CFAP251: variants seen among roughly 807,000 people sequenced by gnomAD.
The protein encoded by CFAP251 is cilia- and flagella-associated protein 251.
In CFAP251, 93 loss-of-function variants were observed where a neutral mutation model predicts 126.7. The ratio of observed to expected loss-of-function variants is 0.73; its 90% CI spans 0.62 to 0.87. The LOEUF is 0.87. CFAP251 is among the 40% of genes least tolerant of loss of function. CFAP251 has a pLI of 0.00. For missense variants in CFAP251, 1,287 were observed against 1,389.2 expected (o/e 0.93, Z 1.17); for synonymous variants, 503 against 506.9 (o/e 0.99, Z 0.10).
At chr12:121,954,428 AT>A in intron 10 of CFAP251, 94 bp downstream of exon 10, 1 of 1,158,952 alleles carries the variant, frequency 8.6e-7, no homozygotes. Context: ...TACACCTCTA[AT>A]TTCAGTTCTT....
rs1332687028 is a variant in CFAP251, at chr12:121,954,140, A to G, written c.1341A>G (p.Gly447=). 1 of 1,614,048 alleles carries G rather than the reference A, an allele frequency of 6.2e-7. No homozygotes were observed. The highest frequency in any genetic ancestry group is 8.5e-7 in the Non-Finnish European group (1 of 1,180,010). Reference sequence around the variant, plus strand: ...AACAGACCTTCAACAAGCTTGTGGGAAAGTTTAGCCAGTCCATCTTTCACT... The same window carrying G: ...AACAGACCTTCAACAAGCTTGTGGGGAAGTTTAGCCAGTCCATCTTTCACT... The part of the protein sequence containing the change: ...LTEKTFNKLV[G]KFSQSIFHLN... The change falls in exon 10 of 22, where the codon GGA becomes GGG. Residue 447 remains glycine, a synonymous_variant. Coordinates refer to ENST00000288912, the MANE Select transcript of CFAP251 (RefSeq NM_144668.6).
intron 19 of CFAP251, among the ~76,000 whole-genome samples, chr12:121,983,754 C>A (rs75193160): frequency 7.4e-5 from 11 of 148,408 alleles, no homozygotes; most frequent in African/African-American, 2.6e-4. Flanking sequence ...AAAAAAAAAA[C>A]GTTTCCTCTT....
chr12:121,997,017 G>A (rs753903323), intron 19 of CFAP251: 4 of 152,124 alleles, frequency 2.6e-5, no homozygotes, highest in Non-Finnish European at 5.9e-5. Context: ...TGTAACCTGC[G>A]GGTGACAACT....
chr12:121,968,572 C>G (rs1252430307), intron 17 of CFAP251, among the ~76,000 whole-genome samples: 4 of 152,148 alleles, frequency 2.6e-5, no homozygotes, highest in Non-Finnish European at 2.9e-5. Flanking sequence ...AGAACCTCTG[C>G]CTGAGGCGAG....
intron 19 of CFAP251, among the ~76,000 whole-genome samples, chr12:121,980,238 C>T (rs1389854305): frequency 1.3e-5 from 2 of 152,162 alleles, no homozygotes; most frequent in African/African-American, 2.4e-5. Context: ...GGACTATGAC[C>T]AGATGACAGC....
At chr12:121,967,171 C>T (rs1356736680) in intron 16 of CFAP251, 102 bp downstream of exon 16, 4 of 1,067,884 alleles carry the variant, frequency 3.7e-6, no homozygotes, top group Non-Finnish European at 4.2e-6. Flanking sequence ...GGGTTTACAG[C>T]CAAGCCCAAC....
At chr12:121,931,633 T>G (rs1276755551) in intron 3 of CFAP251, 113 bp from the exon 4 acceptor site, 5 of 1,086,042 alleles carry the variant, frequency 4.6e-6, no homozygotes, top group Non-Finnish European at 6.1e-6. Context: ...TTAAAGTGGT[T>G]CCTCTTCACT....
chr12:121,958,879 A>T, intron 12 of CFAP251, 64 bp from the exon 13 acceptor site: 3 of 1,520,664 alleles, frequency 2.0e-6, no homozygotes, highest in Non-Finnish European at 2.6e-6. Flanking sequence ...AAAGCCTGGC[A>T]CAGACTCAAC....
rs915060652 is a variant in CFAP251, at chr12:121,974,925, C to T, written c.2772-319C>T. 3.9e-5 allele frequency among the ~76,000 whole-genome samples: 6 copies of T among 152,086 alleles called. No homozygotes were observed. Among genetic ancestry groups the T allele is most frequent in the Non-Finnish European group, 4.4e-5 (3 of 68,004 alleles). ...CTGGGAGGATTGTGGTTTCAGAACA[C>T]AGGATGCCTCCCCCACCCCCAGGAG... On this transcript the variant is annotated intron_variant, in intron 17 of 21. Coordinates refer to ENST00000288912, the MANE Select transcript of CFAP251 (RefSeq NM_144668.6). This position sits in a 1 kb window ranked among gnomAD's most constrained non-coding sequence, Gnocchi z 4.6.
At position 121,976,208 on chromosome 12, in the gene CFAP251, G is replaced by A. The variant is rs549551184; in HGVS notation, c.3006+523G>A. On this transcript the variant is annotated intron_variant, in intron 19 of 21. Transcript: ENST00000288912. ...ATTTTTAGTAGAGACGAGGCTTCACGATGTTGGTCAGACTGGTCTCAAACT... is the reference window on the plus strand; with the variant it reads ...ATTTTTAGTAGAGACGAGGCTTCACAATGTTGGTCAGACTGGTCTCAAACT... Among the ~76,000 whole-genome samples, 134 of 151,934 alleles carry A rather than the reference G, an allele frequency of 8.8e-4. 2 individuals carry two copies. The highest frequency in any genetic ancestry group is 3.4e-3 in the Middle Eastern group (1 of 294).
At position 121,973,194 on chromosome 12, in the gene CFAP251, C is replaced by G. The variant is rs150182977; in HGVS notation, c.2772-2050C>G. 1.3e-3 allele frequency among the ~76,000 whole-genome samples: 194 copies of G among 152,328 alleles called. 4 individuals carry two copies. The East Asian group carries it at 0.035, about 28-fold the overall frequency. On this transcript the variant is annotated intron_variant, in intron 17 of 21. Coordinates refer to ENST00000288912, the MANE Select transcript of CFAP251 (RefSeq NM_144668.6). ...GGCTGAAAGGGGCCAACATAGAGCT[C>G]AGGCTGTGGCTTCAGAGGGTGGAAG...
intron 3 of CFAP251, among the ~76,000 whole-genome samples, chr12:121,930,608 A>G (rs1034400176): frequency 6.6e-6 from 1 of 152,216 alleles, no homozygotes; most frequent in Non-Finnish European, 1.5e-5. Context: ...TTCATTTCAT[A>G]AAATTTTAAT....
At chr12:121,982,270 G>C (rs1002049814) in intron 19 of CFAP251, among the ~76,000 whole-genome samples, 25 of 151,120 alleles carry the variant, frequency 1.7e-4, no homozygotes, top group African/African-American at 6.1e-4. Context: ...GCAGTGGTGT[G>C]ATCACAGCTC....
intron 3 of CFAP251, among the ~76,000 whole-genome samples, chr12:121,928,670 GTATATA>G (rs373937834): frequency 2.0e-5 from 1 of 50,856 alleles, no homozygotes; most frequent in Non-Finnish European, 8.4e-5. Flanking sequence ...ATATATATAC[GTATATA>G]TATATATATA....
At position 121,928,685 on chromosome 12, in the gene CFAP251, TA is replaced by T. The variant is rs1880548157; in HGVS notation, c.748-3060del. Among the ~76,000 whole-genome samples, 4 of 33,636 alleles carry T rather than the reference TA, an allele frequency of 1.2e-4. No homozygotes were observed. The East Asian group carries it at 1.5e-3, about 13-fold the overall frequency. 22.1% of individuals were successfully genotyped at this position (33,636 alleles called of 152,430 possible). Reference sequence around the variant, plus strand: ...ATATATATACGTATATATATATATATATACGTATATATATATATATTTTTTT... The same window carrying T: ...ATATATATACGTATATATATATATATTACGTATATATATATATATTTTTTT... On this transcript the variant is annotated intron_variant, in intron 3 of 21. Transcript: ENST00000288912.
intron 5 of CFAP251, among the ~76,000 whole-genome samples, chr12:121,938,609 C>T (rs1323256192): frequency 6.7e-6 from 1 of 149,272 alleles, no homozygotes; most frequent in Admixed American, 6.7e-5. Context: ...GGATTACAGG[C>T]GTGAGCCACC....
intron 19 of CFAP251, among the ~76,000 whole-genome samples, chr12:121,986,367 A>C (rs1401171474): frequency 6.8e-6 from 1 of 146,140 alleles, no homozygotes. Flanking sequence ...GCACGATCTC[A>C]GCTCACTGCA....
At chr12:121,981,565 C>T (rs1327883895) in intron 19 of CFAP251, among the ~76,000 whole-genome samples, 1 of 152,192 alleles carries the variant, frequency 6.6e-6, no homozygotes, top group Non-Finnish European at 1.5e-5. Flanking sequence ...TCCAGGCACC[C>T]TTGCCTCACA....
At chr12:121,967,176 C>T in intron 16 of CFAP251, 107 bp downstream of exon 16, 1 of 1,020,668 alleles carries the variant, frequency 9.8e-7, no homozygotes. Flanking sequence ...TACAGCCAAG[C>T]CCAACTGCTT....
Sources: gnomAD v4.1 joint callset for allele counts (sites outside exome capture counted in the v4.1 genomes callset) on GRCh38, gnomAD v4.1.1 for gene constraint, Gnocchi (gnomAD v3.1) non-coding constraint, MANE v1.5 for transcripts, NCBI Gene and HGNC (gene_info 2026-07-23, HGNC 2026-07-21) for gene names.